MSRA: variants seen among roughly 807,000 people sequenced by gnomAD.
MSRA encodes the protein mitochondrial peptide methionine sulfoxide reductase.
In MSRA, 54 loss-of-function variants were observed where a neutral mutation model predicts 31.3. The ratio of observed to expected loss-of-function variants is 1.73; its 90% CI spans 1.39 to 2.17. The LOEUF (loss-of-function observed/expected upper bound fraction) is 2.17, where lower values mean the gene tolerates loss of function less well. MSRA is among the 30% of genes most tolerant of loss of function. The pLI, the probability that MSRA is intolerant of heterozygous loss-of-function variation, is 0.00. For synonymous variants in MSRA, 169 were observed against 116.5 expected, an observed-to-expected ratio of 1.45 and a Z score of -2.90; for missense variants, 507 against 300.9, an observed-to-expected ratio of 1.69 and a Z score of -5.07.
At chr8:10,237,966 A>AT (rs1812093952) in intron 2 of MSRA, among the ~76,000 whole-genome samples, 1 of 152,008 alleles carries the variant, frequency 6.6e-6, no homozygotes, top group Non-Finnish European at 1.5e-5. Context: ...TTTGTAAAAC[A>AT]TAAGTTTTAT....
intron 5 of MSRA, among the ~76,000 whole-genome samples, chr8:10,407,009 C>G (rs900429355): frequency 3.9e-5 from 6 of 152,330 alleles, no homozygotes; most frequent in South Asian, 4.1e-4. Flanking sequence ...TCCCAAATAG[C>G]TGAGGCCACA....
At chr8:10,113,875 C>A (rs888828264) in intron 1 of MSRA, among the ~76,000 whole-genome samples, 2 of 152,062 alleles carry the variant, frequency 1.3e-5, no homozygotes, top group East Asian at 3.9e-4. Flanking sequence ...AGTATATTCA[C>A]AAAATTGTGT....
intron 4 of MSRA, among the ~76,000 whole-genome samples, chr8:10,306,933 G>T (rs555703251): frequency 1.6e-4 from 24 of 152,184 alleles, no homozygotes; most frequent in African/African-American, 5.3e-4. Context: ...CAGTCTTAGC[G>T]ATAGATGTTT....
chr8:10,234,185 G>A (rs989815027), intron 2 of MSRA, among the ~76,000 whole-genome samples: 17 of 152,138 alleles, frequency 1.1e-4, no homozygotes, highest in Non-Finnish European at 2.4e-4. Context: ...AAGAATTAAA[G>A]GAGAGACCTG....
chr8:10,368,322 T>G (rs1805282698), intron 5 of MSRA, among the ~76,000 whole-genome samples: 2 of 152,250 alleles, frequency 1.3e-5, no homozygotes, highest in Admixed American at 1.3e-4. Flanking sequence ...GAATCCAAAT[T>G]TATTTTAAAA....
chr8:10,411,094 C>T (rs1808131830), intron 5 of MSRA: 1 of 152,174 alleles, frequency 6.6e-6, no homozygotes, highest in South Asian at 2.1e-4. Context: ...ATCTGACCTC[C>T]ACTCAGGTTT....
At chr8:10,391,466 C>G (rs944020684) in intron 5 of MSRA, among the ~76,000 whole-genome samples, 5 of 152,208 alleles carry the variant, frequency 3.3e-5, no homozygotes, top group African/African-American at 9.6e-5. Flanking sequence ...GTGGCATTCT[C>G]TGATTGAACC....
chr8:10,111,240 C>T (rs982286815), intron 1 of MSRA, among the ~76,000 whole-genome samples: 1 of 152,156 alleles, frequency 6.6e-6, no homozygotes, highest in Admixed American at 6.5e-5. Flanking sequence ...AGAATGATGT[C>T]AAACAGGGTG....
At position 10,262,034 on chromosome 8, in the gene MSRA, A is replaced by T. The variant is rs376367889; in HGVS notation, c.331+16811A>T. 2.0e-5 allele frequency among the ~76,000 whole-genome samples: 3 copies of T among 152,310 alleles called. No homozygotes were observed. In the South Asian group the frequency reaches 6.2e-4, roughly 32 times the overall value. Reference sequence around the variant, plus strand: ...AGCAGTATGTATTTAACGGTACTCCATGTCTTTCTGGGGCTTGATGGCTTA... The same window carrying T: ...AGCAGTATGTATTTAACGGTACTCCTTGTCTTTCTGGGGCTTGATGGCTTA... On this transcript the variant is annotated intron_variant, in intron 3 of 5. Transcript: ENST00000317173.
rs553195766 is a variant in MSRA, at chr8:10,058,440, T to A, written c.142+3782T>A. Among the ~76,000 whole-genome samples the A allele has an allele frequency of 5.9e-5, 9 of 152,324 alleles. No individual in the cohort carries two copies. In the South Asian group the frequency reaches 1.9e-3, roughly 32 times the overall value. On this transcript the variant is annotated intron_variant, in intron 1 of 5. Coordinates refer to ENST00000317173, the MANE Select transcript of MSRA (RefSeq NM_012331.5). The stretch of plus-strand genomic sequence containing the variant: ...AAAACTTTGATGAAAATGATAATTT[T>A]TAGGAAAATATAAGTAATCCAGATT...
At chr8:10,240,903 C>T (rs1563258235) in intron 2 of MSRA, among the ~76,000 whole-genome samples, 1 of 152,036 alleles carries the variant, frequency 6.6e-6, no homozygotes, top group Non-Finnish European at 1.5e-5. Flanking sequence ...CGCCACACAG[C>T]CGTAGGTGCG....
rs554976726 is a variant in MSRA, at chr8:10,154,926, C to T, written c.143-52907C>T. Among the ~76,000 whole-genome samples the T allele has an allele frequency of 2.0e-5, 3 of 149,368 alleles. No individual in the cohort carries two copies. The East Asian group carries it at 6.0e-4, about 30-fold the overall frequency. On this transcript the variant is annotated intron_variant, in intron 1 of 5. Transcript: ENST00000317173. ...ATTGATTTACAGAAGCTTAACATTACCTTTTTAAATACCACAGGTACAGTA... is the reference window on the plus strand; with the variant it reads ...ATTGATTTACAGAAGCTTAACATTATCTTTTTAAATACCACAGGTACAGTA...
chr8:10,261,027 G>A (rs1396911799), intron 3 of MSRA, among the ~76,000 whole-genome samples: 10 of 152,140 alleles, frequency 6.6e-5, no homozygotes, highest in Non-Finnish European at 1.5e-4. Flanking sequence ...TCAGAATGAA[G>A]TATAAAATAC....
chr8:10,425,793 T>C (rs1210229461), intron 5 of MSRA, among the ~76,000 whole-genome samples: 1 of 152,252 alleles, frequency 6.6e-6, no homozygotes, highest in Non-Finnish European at 1.5e-5. Flanking sequence ...AGCCTGTGAA[T>C]CCCACTGGCG....
intron 1 of MSRA, among the ~76,000 whole-genome samples, chr8:10,102,285 G>T (rs79228382): frequency 0.067 from 10,131 of 152,126 alleles, 441 homozygotes; most frequent in Admixed American, 0.15. Flanking sequence ...TTAAAACTTT[G>T]TTATAGTTCT....
At chr8:10,389,788 CTCT>C (rs1563424714) in intron 5 of MSRA, among the ~76,000 whole-genome samples, 1 of 48,758 alleles carries the variant, frequency 2.1e-5, no homozygotes, top group African/African-American at 6.0e-5. Context: ...CAGAAACTTA[CTCT>C]TTTTTTTTTT....
At chr8:10,218,586 C>T (rs1176825674) in intron 2 of MSRA, among the ~76,000 whole-genome samples, 1 of 152,196 alleles carries the variant, frequency 6.6e-6, no homozygotes, top group African/African-American at 2.4e-5. Context: ...ATAGAGACTT[C>T]TCTTTATCAA....
intron 1 of MSRA, among the ~76,000 whole-genome samples, chr8:10,113,623 G>A (rs1333710629): frequency 2.6e-5 from 4 of 151,990 alleles, no homozygotes; most frequent in African/African-American, 9.7e-5. Context: ...TTAAGAAAGA[G>A]AATGAGACAG....
At chr8:10,257,260 C>T (rs74414129) in intron 3 of MSRA, among the ~76,000 whole-genome samples, 5,329 of 152,140 alleles carry the variant, frequency 0.035, 289 homozygotes, top group African/African-American at 0.12. Context: ...ATGACAGGCC[C>T]TCTCCGTCTC....
Sources: allele counts gnomAD v4.1 joint callset (sites outside exome capture counted in the v4.1 genomes callset), GRCh38; gene constraint gnomAD v4.1.1; transcripts MANE v1.5; gene names NCBI Gene and HGNC (gene_info 2026-07-23, HGNC 2026-07-21).